The following TNPO1 variants were observed in gnomAD, a reference collection of about 807,000 sequenced individuals.
TNPO1 encodes the protein transportin-1.
A neutral mutation model predicts 119.5 loss-of-function variants in TNPO1; 8 were observed. The ratio of observed to expected loss-of-function variants is 0.07; its 90% CI spans 0.04 to 0.12. The LOEUF is 0.12. Among genes scored for constraint, TNPO1 ranks in the 10% least tolerant of loss-of-function variants. The pLI is 1.00. For synonymous variants in TNPO1, 362 were observed against 363.0 expected, an observed-to-expected ratio of 1.00 and a Z score of 0.03; for missense variants, 576 against 1,089.8, an observed-to-expected ratio of 0.53 and a Z score of 6.64.
intron 4 of TNPO1, among the ~76,000 whole-genome samples, chr5:72,857,601 G>A (rs1300987436): frequency 6.6e-6 from 1 of 152,092 alleles, no homozygotes; most frequent in Non-Finnish European, 1.5e-5. Flanking sequence ...TCGGATCCAG[G>A]AGAGAAATCT....
At chr5:72,884,442 C>T (rs1261100982) in intron 11 of TNPO1, among the ~76,000 whole-genome samples, 1 of 152,092 alleles carries the variant, frequency 6.6e-6, no homozygotes, top group Non-Finnish European at 1.5e-5. Context: ...TGGTAATTTG[C>T]ATGAAAATTG....
intron 9 of TNPO1, 44 bp downstream of exon 9, chr5:72,877,390 TTAAG>T: frequency 1.1e-6 from 1 of 893,322 alleles, no homozygotes; most frequent in Non-Finnish European, 1.7e-6. Flanking sequence ...CTTTAATTTC[TTAAG>T]TGATTCTTCA....
intron 1 of TNPO1, among the ~76,000 whole-genome samples, chr5:72,822,261 A>G (rs1743994652): frequency 6.6e-6 from 1 of 152,198 alleles, no homozygotes; most frequent in South Asian, 2.1e-4. Context: ...AAATATGGCT[A>G]GCAGGTAAAC....
At chr5:72,887,350 T>C in intron 12 of TNPO1, 128 bp downstream of exon 12, 2 of 1,036,666 alleles carry the variant, frequency 1.9e-6, no homozygotes, top group Non-Finnish European at 1.4e-6. Flanking sequence ...CCATAGGCCG[T>C]CTTCTAACCC....
At chr5:72,870,349 A>T (rs1747294792) in intron 6 of TNPO1, among the ~76,000 whole-genome samples, 1 of 151,922 alleles carries the variant, frequency 6.6e-6, no homozygotes, top group South Asian at 2.1e-4. Context: ...TTTGGTGGAG[A>T]TGGGGTTTCA....
intron 2 of TNPO1, among the ~76,000 whole-genome samples, chr5:72,849,695 T>G (rs1745403462): frequency 6.6e-6 from 1 of 152,240 alleles, no homozygotes; most frequent in African/African-American, 2.4e-5. Flanking sequence ...TTGGATTTTT[T>G]AAAGCCATTT....
chr5:72,853,001 T>G (rs917325366), intron 3 of TNPO1, among the ~76,000 whole-genome samples: 3 of 152,242 alleles, frequency 2.0e-5, no homozygotes, highest in Non-Finnish European at 4.4e-5. Context: ...TTATTTGAAA[T>G]TTTTAAATTT....
intron 1 of TNPO1, among the ~76,000 whole-genome samples, chr5:72,846,396 G>A (rs377380550): frequency 4.5e-5 from 2 of 44,722 alleles, no homozygotes; most frequent in African/African-American, 9.1e-5. Flanking sequence ...TGTAAAAAAC[G>A]TTGTAGAGTT....
chr5:72,819,129 G>A (rs1743831910), intron 1 of TNPO1, among the ~76,000 whole-genome samples: 1 of 152,172 alleles, frequency 6.6e-6, no homozygotes, highest in African/African-American at 2.4e-5. Flanking sequence ...TAAGAAGCAA[G>A]GCGCCGCCAT....
At chr5:72,870,740 C>G (rs1033479696) in intron 6 of TNPO1, among the ~76,000 whole-genome samples, 1 of 152,072 alleles carries the variant, frequency 6.6e-6, no homozygotes, top group Non-Finnish European at 1.5e-5. Flanking sequence ...TAGTAGGTGC[C>G]TCTGGAGGTT....
intron 23 of TNPO1, 140 bp from the exon 24 acceptor site, chr5:72,905,163 A>G (rs915989428): frequency 1.6e-6 from 1 of 633,242 alleles, no homozygotes. Flanking sequence ...GGAATGGTGT[A>G]GAATCCTACG....
Position 72,822,557 on chromosome 5 carries a change from G to A in TNPO1, c.15+5805G>A, listed in dbSNP as rs148548993. On this transcript the variant is annotated intron_variant, in intron 1 of 24. Coordinates refer to ENST00000337273, the MANE Select transcript of TNPO1 (RefSeq NM_002270.4). ...ACTCCAGACTTCCTGTTCACATTTT[G>A]TCTCTGGCATTCCATTCATAAAAAG... Among the ~76,000 whole-genome samples the A allele has an allele frequency of 2.2e-3, 320 of 146,112 alleles. 3 individuals carry two copies. Among genetic ancestry groups the A allele is most frequent in the African/African-American group, 7.7e-3 (306 of 39,546 alleles).
At chr5:72,835,714 A>G (rs533242099) in intron 1 of TNPO1, among the ~76,000 whole-genome samples, 7 of 152,176 alleles carry the variant, frequency 4.6e-5, no homozygotes, top group Admixed American at 1.3e-4. Flanking sequence ...TGGCCCCCCA[A>G]AATTTATGTG....
At chr5:72,848,220 G>A in intron 1 of TNPO1, 165 bp from the exon 2 acceptor site, 2 of 1,254,430 alleles carry the variant, frequency 1.6e-6, no homozygotes, top group Non-Finnish European at 1.0e-6. Context: ...GGGTTTCACT[G>A]TCCGTGACTT....
intron 6 of TNPO1, among the ~76,000 whole-genome samples, chr5:72,867,189 C>T (rs1313318995): frequency 6.6e-6 from 1 of 151,196 alleles, no homozygotes; most frequent in East Asian, 1.9e-4. Flanking sequence ...AAATTCCTTT[C>T]CATGAATGTT....
intron 3 of TNPO1, among the ~76,000 whole-genome samples, chr5:72,854,292 T>C (rs1008792410): frequency 6.6e-6 from 1 of 152,340 alleles, no homozygotes; most frequent in Admixed American, 6.5e-5. Flanking sequence ...AGTTTTTAAA[T>C]GATGACATAC....
At chr5:72,848,728 C>T (rs1008193701) in intron 2 of TNPO1, among the ~76,000 whole-genome samples, 1 of 147,648 alleles carries the variant, frequency 6.8e-6, no homozygotes, top group African/African-American at 2.4e-5. Flanking sequence ...GGGCTCACGC[C>T]GCCAAGGCCA....
chr5:72,906,264 C>CT (rs11356390), intron 24 of TNPO1, among the ~76,000 whole-genome samples: 9 of 90,232 alleles, frequency 1.0e-4, no homozygotes, highest in East Asian at 6.8e-4. Flanking sequence ...GTGCCCATCA[C>CT]TTTTTTTTTT....
intron 22 of TNPO1, among the ~76,000 whole-genome samples, chr5:72,903,248 A>G (rs1233743135): frequency 6.6e-6 from 1 of 152,192 alleles, no homozygotes; most frequent in Non-Finnish European, 1.5e-5. Flanking sequence ...ATGTCTGAAA[A>G]TGGACCTTGA....
Sources: allele counts gnomAD v4.1 joint callset (sites outside exome capture counted in the v4.1 genomes callset), GRCh38; gene constraint gnomAD v4.1.1; transcripts MANE v1.5; gene names NCBI Gene and HGNC (gene_info 2026-07-23, HGNC 2026-07-21).